Variants in SLC7A11 observed in about 807,000 individuals in gnomAD.
The protein encoded by SLC7A11 is solute carrier family 7 member 11.
Under a neutral mutation model 54.5 loss-of-function variants are expected in SLC7A11, and 35 were observed. The ratio of observed to expected loss-of-function variants is 0.64; its 90% CI spans 0.49 to 0.85. The LOEUF is 0.85. Ranked by LOEUF, SLC7A11 falls within the 40% of genes least tolerant of loss-of-function variation. The pLI is 0.00. For missense variants in SLC7A11, 583 were observed against 618.1 expected (o/e 0.94, Z 0.60); for synonymous variants, 230 against 225.2 (o/e 1.02, Z -0.19).
At chr4:138,224,138 G>A (rs1737884045) in intron 3 of SLC7A11, among the ~76,000 whole-genome samples, 1 of 152,128 alleles carries the variant, frequency 6.6e-6, no homozygotes, top group Non-Finnish European at 1.5e-5. Context: ...CTCCATGCCT[G>A]GCCCAGGTAA....
chr4:138,230,699 G>A (rs1242884455), intron 3 of SLC7A11, among the ~76,000 whole-genome samples: 1 of 152,140 alleles, frequency 6.6e-6, no homozygotes, highest in African/African-American at 2.4e-5. Context: ...TGCTAGATCT[G>A]AACATAATAT....
intron 6 of SLC7A11, among the ~76,000 whole-genome samples, chr4:138,189,037 A>G (rs1736945614): frequency 6.6e-6 from 1 of 152,126 alleles, no homozygotes; most frequent in African/African-American, 2.4e-5. Context: ...GGTCTTGGAT[A>G]GTCTTCTTTT....
At chr4:138,195,978 T>A (rs1429981193) in intron 6 of SLC7A11, among the ~76,000 whole-genome samples, 1 of 152,072 alleles carries the variant, frequency 6.6e-6, no homozygotes, top group Non-Finnish European at 1.5e-5. Flanking sequence ...TATTTTTATT[T>A]TTGGCAAAGA....
intron 6 of SLC7A11, among the ~76,000 whole-genome samples, chr4:138,209,666 C>T (rs1737500839): frequency 6.6e-6 from 1 of 151,900 alleles, no homozygotes; most frequent in African/African-American, 2.4e-5. Context: ...ACAAAAAATA[C>T]CTAGAAATAC....
In SLC7A11 at chr4:138,234,792, C is replaced by A. The variant is rs1346536707; in HGVS notation, c.404+1533G>T. Among the ~76,000 whole-genome samples the A allele has an allele frequency of 2.6e-5, 4 of 152,302 alleles. No homozygotes were observed. In the East Asian group the frequency reaches 5.8e-4, roughly 22 times the overall value. On this transcript the variant is annotated intron_variant, in intron 2 of 11. Transcript: ENST00000280612. ...TGCTAAGCAATGAGCCAAAGTTACACAACTAATACATGGCTGAAGACGGAG... is the reference window on the plus strand; with the variant it reads ...TGCTAAGCAATGAGCCAAAGTTACAAAACTAATACATGGCTGAAGACGGAG...
chr4:138,221,719 C>T (rs1431235329), intron 4 of SLC7A11, among the ~76,000 whole-genome samples: 1 of 152,056 alleles, frequency 6.6e-6, no homozygotes, highest in African/African-American at 2.4e-5. Flanking sequence ...GCAACCAAAC[C>T]CTTCCTCATA....
At chr4:138,229,025 T>C (rs1439136770) in intron 3 of SLC7A11, among the ~76,000 whole-genome samples, 3 of 152,178 alleles carry the variant, frequency 2.0e-5, no homozygotes, top group East Asian at 1.9e-4. Context: ...TCTCAAATGG[T>C]TGGCTAACAT....
intron 3 of SLC7A11, among the ~76,000 whole-genome samples, chr4:138,225,222 A>G (rs1404074338): frequency 6.7e-6 from 1 of 148,446 alleles, no homozygotes; most frequent in African/African-American, 2.5e-5. Flanking sequence ...TATTTGTTGT[A>G]TATACCTCAA....
intron 1 of SLC7A11, among the ~76,000 whole-genome samples, chr4:138,238,268 C>A (rs1220550966): frequency 1.3e-5 from 2 of 152,032 alleles, no homozygotes; most frequent in Non-Finnish European, 2.9e-5. Flanking sequence ...CAGCGGGTAC[C>A]TAGTACAGTA....
chr4:138,216,522 G>A (rs1005134509), intron 5 of SLC7A11, among the ~76,000 whole-genome samples: 3 of 152,068 alleles, frequency 2.0e-5, no homozygotes, highest in African/African-American at 4.8e-5. Flanking sequence ...ACATTGTTCC[G>A]ACCCAACTGT....
chr4:138,203,381 A>G (rs934922501), intron 6 of SLC7A11, among the ~76,000 whole-genome samples: 1 of 152,058 alleles, frequency 6.6e-6, no homozygotes, highest in African/African-American at 2.4e-5. Context: ...AAAATGAACT[A>G]TATTCTTATT....
At chr4:138,233,202 T>G (rs1738123512) in intron 2 of SLC7A11, among the ~76,000 whole-genome samples, 1 of 151,356 alleles carries the variant, frequency 6.6e-6, no homozygotes, top group African/African-American at 2.4e-5. Context: ...TTTTTTTTTT[T>G]GAAATGGAGT....
chr4:138,236,278 G>T, intron 2 of SLC7A11, 47 bp downstream of exon 2: 1 of 1,511,624 alleles, frequency 6.6e-7, no homozygotes, highest in Non-Finnish European at 9.0e-7. Flanking sequence ...TGATTCATAA[G>T]AATGAATTGG....
intron 6 of SLC7A11, among the ~76,000 whole-genome samples, chr4:138,209,013 G>T (rs1470976327): frequency 2.6e-5 from 4 of 151,908 alleles, no homozygotes; most frequent in Non-Finnish European, 2.9e-5. Context: ...ACTTATAATA[G>T]CAGCTCAAAA....
At chr4:138,239,995 T>C (rs964113777) in intron 1 of SLC7A11, among the ~76,000 whole-genome samples, 23 of 152,170 alleles carry the variant, frequency 1.5e-4, no homozygotes, top group African/African-American at 4.6e-4. Context: ...AGGTTTCTCT[T>C]TTTCTATAAG....
At chr4:138,176,601 G>A (rs536821586) in intron 11 of SLC7A11, 18 of 152,286 alleles carry the variant, frequency 1.2e-4, no homozygotes, top group Admixed American at 1.0e-3. Flanking sequence ...AGAGTTGGCT[G>A]ACTCCAAACA....
rs74798575 is a variant in SLC7A11, at chr4:138,218,026, A to G, written c.746+1240T>C. The stretch of plus-strand genomic sequence containing the variant: ...TTACACTGATTTCCTTAGAGCTATA[A>G]TCTTCTAACAATCTTCAAGCATATT... On this transcript the variant is annotated intron_variant, in intron 5 of 11. Transcript: ENST00000280612. Among the ~76,000 whole-genome samples, 4 of 152,258 alleles carry G rather than the reference A, an allele frequency of 2.6e-5. No individual in the cohort carries two copies. The East Asian group carries it at 7.7e-4, about 29-fold the overall frequency.
At chr4:138,197,024 A>G (rs865825309) in intron 6 of SLC7A11, among the ~76,000 whole-genome samples, 1 of 152,180 alleles carries the variant, frequency 6.6e-6, no homozygotes, top group Middle Eastern at 3.2e-3. Flanking sequence ...TTTGATTCAA[A>G]TATTTTTCTA....
At chr4:138,209,455 C>T (rs1737488468) in intron 6 of SLC7A11, among the ~76,000 whole-genome samples, 1 of 151,890 alleles carries the variant, frequency 6.6e-6, no homozygotes, top group Non-Finnish European at 1.5e-5. Context: ...GGGCTAAGTC[C>T]ACATAATTTT....
Sources: gnomAD v4.1 joint callset for allele counts (sites outside exome capture counted in the v4.1 genomes callset) on GRCh38, gnomAD v4.1.1 for gene constraint, MANE v1.5 for transcripts, NCBI Gene and HGNC (gene_info 2026-07-23, HGNC 2026-07-21) for gene names.